Variants in FTCDNL1 observed in about 807,000 individuals in gnomAD.
FTCDNL1 encodes formiminotransferase cyclodeaminase N-terminal like.
A neutral mutation model predicts 5.9 loss-of-function variants in FTCDNL1; 11 were observed. The ratio of observed to expected loss-of-function variants is 1.87; its 90% CI spans 1.18 to 3.10. The LOEUF (loss-of-function observed/expected upper bound fraction) is 3.10, where lower values mean the gene tolerates loss of function less well. Among genes scored for constraint, FTCDNL1 ranks in the 30% most tolerant of loss-of-function variants. FTCDNL1 has a pLI of 0.00. For synonymous variants in FTCDNL1, 58 were observed against 24.8 expected (o/e 2.34, Z -3.99); for missense variants, 115 against 65.5 (o/e 1.76, Z -2.61).
At chr2:199,734,502 A>AT in the FTCDNL1 span, among the ~76,000 whole-genome samples, 1 of 152,216 alleles carries the variant, frequency 6.6e-6, no homozygotes, top group African/African-American at 2.4e-5. Flanking sequence ...TAAATATCCC[A>AT]TTTTTCAGAA....
chr2:199,795,046 A>G (rs2106377607), intron 3 of FTCDNL1, among the ~76,000 whole-genome samples: 1 of 152,342 alleles, frequency 6.6e-6, no homozygotes, highest in African/African-American at 2.4e-5. Context: ...GGGCCTGAGA[A>G]AGTCACTTAA....
In FTCDNL1 at chr2:199,765,756, C is replaced by G. The variant is rs559387718; in HGVS notation, c.212-4921G>C. ...CCGGGTTTCACCGTGTTGCCCAGCCCGGTCTCAAACTCCTGAGCTCAGGCA... is the reference window on the plus strand; with the variant it reads ...CCGGGTTTCACCGTGTTGCCCAGCCGGGTCTCAAACTCCTGAGCTCAGGCA... On this transcript the variant is annotated intron_variant, in intron 3 of 3. Coordinates refer to the FTCDNL1 transcript ENST00000416668. Among the ~76,000 whole-genome samples the G allele has an allele frequency of 1.7e-4, 25 of 151,154 alleles. No homozygotes were observed. The East Asian group carries it at 2.9e-3, about 18-fold the overall frequency.
At chr2:199,815,218 C>G (rs1701282817) in intron 4 of FTCDNL1, among the ~76,000 whole-genome samples, 1 of 152,182 alleles carries the variant, frequency 6.6e-6, no homozygotes, top group Non-Finnish European at 1.5e-5. Context: ...CAACTACAAA[C>G]TTTTAAAAGG....
chr2:199,713,070 G>A, the FTCDNL1 span, among the ~76,000 whole-genome samples: 1 of 152,140 alleles, frequency 6.6e-6, no homozygotes, highest in African/African-American at 2.4e-5. Context: ...TTGCAGTATA[G>A]TGAGAACAAA....
the FTCDNL1 span, among the ~76,000 whole-genome samples, chr2:199,673,373 A>G: frequency 6.6e-6 from 1 of 151,668 alleles, no homozygotes; most frequent in African/African-American, 2.4e-5. Context: ...AAAAGCTAAA[A>G]GTAGTTTCCA....
intron 3 of FTCDNL1, among the ~76,000 whole-genome samples, chr2:199,786,717 G>C (rs1398746112): frequency 1.3e-5 from 2 of 152,160 alleles, no homozygotes; most frequent in Non-Finnish European, 2.9e-5. Context: ...TCAAATTGCT[G>C]TTAGCCGGCG....
chr2:199,774,002 G>A (rs1357099943), intron 3 of FTCDNL1, among the ~76,000 whole-genome samples: 1 of 152,192 alleles, frequency 6.6e-6, no homozygotes, highest in African/African-American at 2.4e-5. Flanking sequence ...AGTCAATAGA[G>A]TGTCCTCTGT....
At chr2:199,725,867 G>C in the FTCDNL1 span, among the ~76,000 whole-genome samples, 2 of 151,930 alleles carry the variant, frequency 1.3e-5, no homozygotes, top group African/African-American at 4.8e-5. Flanking sequence ...TGTGTCTTTG[G>C]GTTTATCTTC....
chr2:199,672,660 G>A, the FTCDNL1 span, among the ~76,000 whole-genome samples: 1 of 152,048 alleles, frequency 6.6e-6, no homozygotes, highest in Non-Finnish European at 1.5e-5. Context: ...TGCTCTGGCT[G>A]GAAAGATTCA....
intron 3 of FTCDNL1, among the ~76,000 whole-genome samples, chr2:199,767,751 T>C (rs760924916): frequency 1.3e-5 from 2 of 152,154 alleles, no homozygotes; most frequent in Non-Finnish European, 2.9e-5. Flanking sequence ...AGAGAGCAAG[T>C]CCTCACCAGA....
downstream of FTCDNL1, among the ~76,000 whole-genome samples, chr2:199,806,992 T>A (rs369525553): frequency 2.6e-5 from 4 of 152,216 alleles, no homozygotes; most frequent in East Asian, 5.8e-4. Flanking sequence ...ATTGTCCACC[T>A]TGTAGTAAGA....
At chr2:199,806,767 C>A (rs539976073), downstream of FTCDNL1, among the ~76,000 whole-genome samples, 5 of 152,288 alleles carry the variant, frequency 3.3e-5, no homozygotes, top group South Asian at 1.0e-3. Flanking sequence ...CTCCCCTGCA[C>A]CCCACACACA....
chr2:199,798,858 C>G (rs1296798930), intron 3 of FTCDNL1, among the ~76,000 whole-genome samples: 1 of 152,196 alleles, frequency 6.6e-6, no homozygotes. Flanking sequence ...GGGAAAACCA[C>G]AATGTAAATG....
At chr2:199,774,801 T>C (rs2106301730) in intron 3 of FTCDNL1, among the ~76,000 whole-genome samples, 1 of 152,286 alleles carries the variant, frequency 6.6e-6, no homozygotes, top group Non-Finnish European at 1.5e-5. Flanking sequence ...AGAATCTCTT[T>C]ATATGTTCCT....
At chr2:199,750,525 CT>C in the FTCDNL1 span, among the ~76,000 whole-genome samples, 18 of 152,242 alleles carry the variant, frequency 1.2e-4, no homozygotes, top group Admixed American at 1.1e-3. Flanking sequence ...CTTCCCACAC[CT>C]AACTGGTTCT....
At chr2:199,683,410 A>T in the FTCDNL1 span, among the ~76,000 whole-genome samples, 1 of 152,086 alleles carries the variant, frequency 6.6e-6, no homozygotes, top group Admixed American at 6.6e-5. Flanking sequence ...CTTGCTACTC[A>T]GTATTCATAT....
At chr2:199,673,790 G>T in the FTCDNL1 span, among the ~76,000 whole-genome samples, 11 of 151,986 alleles carry the variant, frequency 7.2e-5, no homozygotes, top group South Asian at 1.0e-3. Context: ...TAATTTAAAT[G>T]TGCCATAAAC....
the FTCDNL1 span, among the ~76,000 whole-genome samples, chr2:199,684,599 A>G: frequency 2.0e-5 from 3 of 152,196 alleles, no homozygotes; most frequent in African/African-American, 7.2e-5. Context: ...AGAAAACCCT[A>G]CTTACTTCTC....
chr2:199,728,525 G>A, the FTCDNL1 span, among the ~76,000 whole-genome samples: 2 of 152,166 alleles, frequency 1.3e-5, no homozygotes, highest in Admixed American at 1.3e-4. Flanking sequence ...TGGGATTACA[G>A]GCGTGAGCCA....
Sources: gnomAD v4.1 joint callset for allele counts (sites outside exome capture counted in the v4.1 genomes callset) on GRCh38, gnomAD v4.1.1 for gene constraint, MANE v1.5 for transcripts, NCBI Gene and HGNC (gene_info 2026-07-23, HGNC 2026-07-21) for gene names.